The following ST6GALNAC3 variants were observed in gnomAD, a reference collection of about 807,000 sequenced individuals.
ST6GALNAC3 encodes the protein alpha-N-acetylgalactosaminide alpha-2,6-sialyltransferase 3.
Under a neutral mutation model 32.7 loss-of-function variants are expected in ST6GALNAC3, and 25 were observed. That is an observed-to-expected ratio of 0.76 (90% confidence interval 0.56 to 1.07). The LOEUF (loss-of-function observed/expected upper bound fraction) is 1.07. Ranked by LOEUF, ST6GALNAC3 falls within the 50% of genes least tolerant of loss-of-function variation. The pLI, the probability that ST6GALNAC3 is intolerant of heterozygous loss-of-function variation, is 0.00. For synonymous variants in ST6GALNAC3, 129 were observed against 133.1 expected, an observed-to-expected ratio of 0.97 and a Z score of 0.21; for missense variants, 355 against 382.4, an observed-to-expected ratio of 0.93 and a Z score of 0.60.
intron 3 of ST6GALNAC3, among the ~76,000 whole-genome samples, chr1:76,543,405 T>A (rs1391618141): frequency 6.6e-6 from 1 of 152,194 alleles, no homozygotes; most frequent in Non-Finnish European, 1.5e-5. Context: ...AGACCACGTA[T>A]TATGAATTGG....
rs1037472914 is a variant in ST6GALNAC3, at chr1:76,478,167, C to G, written c.623+65750C>G. On this transcript the variant is annotated intron_variant, in intron 3 of 4. Transcript: ENST00000328299. ...TGTGTGTTGCATCTCCTAATCTCAT[C>G]TGATTCTCTGCTGTTTGCCTGGTCT... Among the ~76,000 whole-genome samples the G allele has an allele frequency of 2.6e-5, 4 of 152,148 alleles. No homozygotes were observed. The East Asian group carries it at 7.7e-4, about 29-fold the overall frequency.
At chr1:76,610,888 G>A (rs1647882726) in intron 3 of ST6GALNAC3, among the ~76,000 whole-genome samples, 1 of 152,114 alleles carries the variant, frequency 6.6e-6, no homozygotes, top group Admixed American at 6.5e-5. Context: ...AAATACCTTA[G>A]CCATGCATTC....
rs545134777 is a variant in ST6GALNAC3 at position 76,200,702 on chromosome 1, G to A, written c.19-113103G>A. ...AAAAAATATAATAAATATAGGACAT[G>A]TATAATCTCACACAAGTTTGAAACT... On this transcript the variant is annotated intron_variant, in intron 1 of 4. Coordinates refer to ENST00000328299, the MANE Select transcript of ST6GALNAC3 (RefSeq NM_152996.4). Among the ~76,000 whole-genome samples the A allele has an allele frequency of 2.6e-5, 4 of 152,140 alleles. No individual in the cohort carries two copies. The East Asian group carries it at 5.8e-4, about 22-fold the overall frequency.
chr1:76,097,525 G>A (rs932793454), intron 1 of ST6GALNAC3, among the ~76,000 whole-genome samples: 5 of 152,148 alleles, frequency 3.3e-5, no homozygotes, highest in African/African-American at 9.7e-5. Context: ...GGCTTCCCCA[G>A]CCATACTGAA....
intron 1 of ST6GALNAC3, among the ~76,000 whole-genome samples, chr1:76,088,977 T>G (rs1290706987): frequency 6.6e-6 from 1 of 152,172 alleles, no homozygotes; most frequent in Non-Finnish European, 1.5e-5. Context: ...AAGGATCATG[T>G]AGATTCTGTC....
intron 1 of ST6GALNAC3, among the ~76,000 whole-genome samples, chr1:76,120,420 C>G (rs1648796493): frequency 6.6e-6 from 1 of 152,146 alleles, no homozygotes; most frequent in Non-Finnish European, 1.5e-5. Flanking sequence ...TGAGAAATGA[C>G]TCCTATTGCC....
chr1:76,393,749 T>A (rs1395116670), intron 2 of ST6GALNAC3, among the ~76,000 whole-genome samples: 1 of 152,308 alleles, frequency 6.6e-6, no homozygotes, highest in Non-Finnish European at 1.5e-5. Flanking sequence ...GTGCTTTTCC[T>A]TATTTAATCA....
At chr1:76,528,521 A>C (rs1663055066) in intron 3 of ST6GALNAC3, among the ~76,000 whole-genome samples, 1 of 152,180 alleles carries the variant, frequency 6.6e-6, no homozygotes, top group South Asian at 2.1e-4. Flanking sequence ...ATTCTTTACT[A>C]ACCAGACGCA....
chr1:76,261,230 G>T (rs1458821438), intron 1 of ST6GALNAC3, among the ~76,000 whole-genome samples: 1 of 151,966 alleles, frequency 6.6e-6, no homozygotes, highest in East Asian at 1.9e-4. Flanking sequence ...TCTTTTAATG[G>T]CTACATAATA....
At chr1:76,262,678 A>G (rs1658307456) in intron 1 of ST6GALNAC3, among the ~76,000 whole-genome samples, 1 of 152,180 alleles carries the variant, frequency 6.6e-6, no homozygotes, top group Non-Finnish European at 1.5e-5. Flanking sequence ...GAGGAGAAAG[A>G]TGGCAGTGGA....
Position 76,631,034 on chromosome 1 carries a change from GA to G in ST6GALNAC3, c.*2231del, listed in dbSNP as rs1204023832. 1 of 985,482 alleles carries G rather than the reference GA, an allele frequency of 1.0e-6. No homozygotes were observed. The highest frequency in any genetic ancestry group is 1.2e-6 in the Non-Finnish European group (1 of 829,814). 61.0% of individuals were successfully genotyped at this position (985,482 alleles called of 1,614,324 possible). On this transcript the variant is annotated 3_prime_UTR_variant, in exon 5 of 5. Transcript: ENST00000328299. The stretch of plus-strand genomic sequence containing the variant: ...TATTTGTTCTAGCCCCTACTGATGA[GA>G]AACATTTGAAAACTTGCTTGCTCTC...
At chr1:76,476,361 G>A (rs1659355580) in intron 3 of ST6GALNAC3, among the ~76,000 whole-genome samples, 1 of 152,056 alleles carries the variant, frequency 6.6e-6, no homozygotes, top group Admixed American at 6.6e-5. Flanking sequence ...ACAAAAACAG[G>A]CTATTGGTGG....
chr1:76,409,296 T>A (rs1192362939), intron 2 of ST6GALNAC3, among the ~76,000 whole-genome samples: 2 of 152,144 alleles, frequency 1.3e-5, no homozygotes, highest in African/African-American at 4.8e-5. Context: ...ACAGTCCCTT[T>A]AATAACAGAG....
intron 3 of ST6GALNAC3, among the ~76,000 whole-genome samples, chr1:76,525,787 GTGTGTATATATATA>G (rs1460075304): frequency 4.3e-4 from 31 of 71,420 alleles, no homozygotes; most frequent in African/African-American, 1.2e-3. Context: ...GTGTGTGTGT[GTGTGTATATATATA>G]TATATATATA....
chr1:76,125,036 T>C (rs754461863), intron 1 of ST6GALNAC3, among the ~76,000 whole-genome samples: 1 of 152,212 alleles, frequency 6.6e-6, no homozygotes, highest in South Asian at 2.1e-4. Context: ...GTTAAGAAAA[T>C]ATATCAAATT....
chr1:76,457,253 A>G (rs1021578615), intron 3 of ST6GALNAC3, among the ~76,000 whole-genome samples: 2 of 152,136 alleles, frequency 1.3e-5, no homozygotes, highest in African/African-American at 4.8e-5. Context: ...AGGAAGAATC[A>G]ATATCGTGAA....
intron 1 of ST6GALNAC3, among the ~76,000 whole-genome samples, chr1:76,200,615 G>A (rs1333764051): frequency 6.6e-6 from 1 of 152,118 alleles, no homozygotes; most frequent in East Asian, 1.9e-4. Flanking sequence ...ACATAAATTA[G>A]ATAATATTGG....
At chr1:76,555,666 G>A (rs774784121) in intron 3 of ST6GALNAC3, among the ~76,000 whole-genome samples, 18 of 152,072 alleles carry the variant, frequency 1.2e-4, no homozygotes, top group Non-Finnish European at 2.2e-4. Context: ...ACTGAAGAAC[G>A]AGTGAAAAAG....
chr1:76,441,024 G>T (rs571304545), intron 3 of ST6GALNAC3, among the ~76,000 whole-genome samples: 1 of 148,818 alleles, frequency 6.7e-6, no homozygotes, highest in East Asian at 2.0e-4. Context: ...GGAGGTGGTG[G>T]TTGTGGTGAG....
Sources: allele counts gnomAD v4.1 joint callset (sites outside exome capture counted in the v4.1 genomes callset), GRCh38; gene constraint gnomAD v4.1.1; transcripts MANE v1.5; gene names NCBI Gene and HGNC (gene_info 2026-07-23, HGNC 2026-07-21).